SSTR5: variants seen among roughly 807,000 people sequenced by gnomAD.
SSTR5 encodes the protein somatostatin receptor type 5.
In SSTR5, 1 loss-of-function variant was observed where a neutral mutation model predicts 0.3. The ratio of observed to expected loss-of-function variants is 2.98; its 90% CI spans 1.06 to 14.15. The LOEUF (loss-of-function observed/expected upper bound fraction) is 14.15, where lower values mean the gene tolerates loss of function less well. SSTR5 is among the 30% of genes most tolerant of loss of function. The pLI is 0.12. For missense variants in SSTR5, 516 were observed against 543.2 expected (o/e 0.95, Z 0.50); for synonymous variants, 256 against 263.1 (o/e 0.97, Z 0.26).
rs1222308985 is a variant in SSTR5 at position 1,080,981 on chromosome 16, G to T, written c.*1018G>T. 2.2e-6 allele frequency: 1 copy of T among 459,564 alleles called. No homozygotes were observed. Among genetic ancestry groups the T allele is most frequent in the Non-Finnish European group, 4.6e-6 (1 of 219,448 alleles). The allele number at this position is 459,564 out of a possible 1,614,324, so 28.5% of individuals were successfully genotyped here. A position where few individuals can be genotyped will look rare whatever the true frequency, so the allele number is the denominator to read the frequency against. Reference sequence around the variant, plus strand: ...GACGGTCATCCAGGCGCAGCGGGGAGCTGCTCCCCAGGCCACAGCAGACAG... The same window carrying T: ...GACGGTCATCCAGGCGCAGCGGGGATCTGCTCCCCAGGCCACAGCAGACAG... On this transcript the variant is annotated 3_prime_UTR_variant, in exon 2 of 2. Transcript: ENST00000689027.
chr16:1,072,778 G>A lies in SSTR5; in HGVS notation c.-72G>A, dbSNP rs921865889. Among the ~76,000 whole-genome samples the A allele has an allele frequency of 7.3e-6, 1 of 137,174 alleles. No individual in the cohort carries two copies. Among genetic ancestry groups the A allele is most frequent in the African/African-American group, 2.7e-5 (1 of 36,820 alleles). 90.0% of individuals were successfully genotyped at this position (137,174 alleles called of 152,430 possible). On this transcript the variant is annotated 5_prime_UTR_variant, in exon 1 of 2. Transcript: ENST00000689027. Reference sequence around the variant, plus strand: ...CGCCCGGGAGCCCGGAGCCAGTGCCGCGCGGACATCGGGGCTCCCCCGTTC... The same window carrying A: ...CGCCCGGGAGCCCGGAGCCAGTGCCACGCGGACATCGGGGCTCCCCCGTTC...
intron 1 of SSTR5, among the ~76,000 whole-genome samples, chr16:1,076,724 G>GT (rs34644302): frequency 0.58 from 87,575 of 151,784 alleles, 25,938 homozygotes; most frequent in Non-Finnish European, 0.61. Context: ...CTTTTGTAGT[G>GT]TTTTTTTCCA....
At chr16:1,073,379 G>C (rs189053173) in intron 1 of SSTR5, among the ~76,000 whole-genome samples, 1 of 152,216 alleles carries the variant, frequency 6.6e-6, no homozygotes, top group Admixed American at 6.5e-5. Flanking sequence ...TGCCGGGGGA[G>C]GCAACTGGTG....
chr16:1,078,629 C>T (rs1481765082), intron 1 of SSTR5: 29 of 595,472 alleles, frequency 4.9e-5, no homozygotes, highest in East Asian at 1.1e-4. Flanking sequence ...TCTGGGCTCC[C>T]GGGGCCACCT....
intron 1 of SSTR5, among the ~76,000 whole-genome samples, chr16:1,076,338 C>T: frequency 4.1e-4 from 1 of 2,454 alleles, no homozygotes; most frequent in South Asian, 0.033. Flanking sequence ...TCCCCACCTC[C>T]CCTCTTCTCC....
At position 1,078,826 on chromosome 16, in the gene SSTR5, CCTT is replaced by C. The variant is rs758337569; in HGVS notation, c.-27-10_-27-8del. On this transcript the variant is annotated splice_polypyrimidine_tract_variant and intron_variant, in intron 1 of 1. Transcript: ENST00000689027. ...AGGGACTCACCACCCTGGCGTCCTCCCTTCTTCTCTTGCAGAGCCTGACGCACC... is the reference window on the plus strand; with the variant it reads ...AGGGACTCACCACCCTGGCGTCCTCCCTTCTCTTGCAGAGCCTGACGCACC... 11 of 1,597,108 alleles carry C rather than the reference CCTT, an allele frequency of 6.9e-6. No homozygotes were observed. Among genetic ancestry groups the C allele is most frequent in the Middle Eastern group, 1.8e-4 (1 of 5,618 alleles).
chr16:1,076,491 T>G (rs1960215425), intron 1 of SSTR5, among the ~76,000 whole-genome samples: 1 of 150,732 alleles, frequency 6.6e-6, no homozygotes, highest in East Asian at 2.0e-4. Context: ...CGCAGCTTGA[T>G]GGGGATGCTC....
chr16:1,079,219 G>A lies in SSTR5; in HGVS notation c.351G>A (p.Thr117=), dbSNP rs761720839. 16 of 1,612,376 alleles carry A rather than the reference G, an allele frequency of 9.9e-6. No individual in the cohort carries two copies. Among genetic ancestry groups the A allele is most frequent in the South Asian group, 3.3e-5 (3 of 91,078 alleles). The change falls in exon 2 of 2, where the codon ACG becomes ACA. Residue 117 remains threonine, a synonymous_variant. Transcript: ENST00000689027. ...CCGTCCTGTGCCGCCTGGTCATGAC[G>A]CTGGACGGCGTCAACCAGTTCACCA... The part of the protein sequence containing the change: ...FGPVLCRLVM[T]LDGVNQFTSV...
rs1454757996 is a variant in SSTR5, at chr16:1,080,996, A to C, written c.*1033A>C. 3 of 467,842 alleles carry C rather than the reference A, an allele frequency of 6.4e-6. No individual in the cohort carries two copies. Among genetic ancestry groups the C allele is most frequent in the African/African-American group, 6.0e-5 (3 of 49,976 alleles). 29.0% of individuals were successfully genotyped at this position (467,842 alleles called of 1,614,324 possible). A position where few individuals can be genotyped will look rare whatever the true frequency, so the allele number is the denominator to read the frequency against. ...GCAGCGGGGAGCTGCTCCCCAGGCCACAGCAGACAGCACTGCTGAGAGGCA... is the reference window on the plus strand; with the variant it reads ...GCAGCGGGGAGCTGCTCCCCAGGCCCCAGCAGACAGCACTGCTGAGAGGCA... On this transcript the variant is annotated 3_prime_UTR_variant, in exon 2 of 2. Transcript: ENST00000689027.
rs1429096623 is a variant in SSTR5 at position 1,080,443 on chromosome 16, G to A, written c.*480G>A. ...AAGACACCCGAAAGCGCTTGACTCA[G>A]GTCCCCGGAGTCCCTGGCCAGGGCC... On this transcript the variant is annotated 3_prime_UTR_variant, in exon 2 of 2. Transcript: ENST00000689027. Among the ~76,000 whole-genome samples, 1 of 152,232 alleles carries A rather than the reference G, an allele frequency of 6.6e-6. No homozygotes were observed. Among genetic ancestry groups the A allele is most frequent in the African/African-American group, 2.4e-5 (1 of 41,452 alleles).
At position 1,072,952 on chromosome 16, in the gene SSTR5, G is replaced by A. The variant is rs1027017402; in HGVS notation, c.-28+130G>A. On this transcript the variant is annotated intron_variant, in intron 1 of 1. Coordinates refer to ENST00000689027, the MANE Select transcript of SSTR5 (RefSeq NM_001172560.3). ...TCCCGCCGTGCGCCCCCAGCCCGCT[G>A]CACGCACTGTCCCCCACGCGCCCTC... 2.0e-4 allele frequency: 30 copies of A among 152,362 alleles called. 1 individual carries two copies. The highest frequency in any genetic ancestry group is 6.8e-4 in the African/African-American group (28 of 41,460). The allele number at this position is 152,362 out of a possible 1,614,324, so 9.4% of individuals were successfully genotyped here. A position where few individuals can be genotyped will look rare whatever the true frequency, so the allele number is the denominator to read the frequency against.
chr16:1,077,136 C>T (rs1333744287), intron 1 of SSTR5, among the ~76,000 whole-genome samples: 1 of 152,212 alleles, frequency 6.6e-6, no homozygotes, highest in African/African-American at 2.4e-5. Context: ...CCCACAGCCC[C>T]CAGCCAGGAC....
chr16:1,078,814 C>G (rs36054469), intron 1 of SSTR5, 28 bp from the exon 2 acceptor site: 1 of 1,586,650 alleles, frequency 6.3e-7, no homozygotes, highest in Non-Finnish European at 8.5e-7. Context: ...GACTCACCAC[C>G]CTGGCGTCCT....
rs956024421 is a variant in SSTR5 at position 1,080,579 on chromosome 16, C to T, written c.*616C>T. Among the ~76,000 whole-genome samples the T allele has an allele frequency of 1.3e-5, 2 of 152,218 alleles. No homozygotes were observed. Among genetic ancestry groups the T allele is most frequent in the African/African-American group, 4.8e-5 (2 of 41,460 alleles). ...GGTCACGCCTGTCCTGGGGGCCCCA[C>T]CCTGCTGCCCGACACCCCCCATGGG... On this transcript the variant is annotated 3_prime_UTR_variant, in exon 2 of 2. Transcript: ENST00000689027.
At chr16:1,078,606 C>T (rs1057434449) in intron 1 of SSTR5, 20 of 564,790 alleles carry the variant, frequency 3.5e-5, no homozygotes, top group Non-Finnish European at 6.4e-5. Flanking sequence ...GCCATATCGA[C>T]AGCAGCCGTC....
At position 1,079,244 on chromosome 16, in the gene SSTR5, A is replaced by G; in HGVS notation, c.376A>G (p.Ser126Gly). 1 of 1,612,336 alleles carries G rather than the reference A, an allele frequency of 6.2e-7. No homozygotes were observed. Among genetic ancestry groups the G allele is most frequent in the Non-Finnish European group, 8.5e-7 (1 of 1,179,840 alleles). ...MTLDGVNQFT[S>G]VFCLTVMSVD... ...GCTGGACGGCGTCAACCAGTTCACC[A>G]GTGTCTTCTGCCTGACAGTCATGAG... The change falls in exon 2 of 2, where the codon AGT becomes GGT. Residue 126 changes from serine (S) to glycine (G), a missense_variant. Ser to Gly is a moderately conservative substitution (Grantham distance 56). Coordinates refer to ENST00000689027, the MANE Select transcript of SSTR5 (RefSeq NM_001172560.3).
rs780088361 is a variant in SSTR5 at position 1,079,862 on chromosome 16, G to A, written c.994G>A (p.Ala332Thr). The change falls in exon 2 of 2, where the codon GCC becomes ACC. Residue 332 changes from alanine (A) to threonine (T), a missense_variant. Transcript: ENST00000689027. ...RKGSGAKDAD[A>T]TEPRPDRIRQ... is the part of the protein sequence containing the mutation. ...GGGCTCTGGTGCCAAGGACGCTGAC[G>A]CCACGGAGCCGCGTCCAGACAGGAT... The A allele has an allele frequency of 1.4e-5, 22 of 1,611,204 alleles. No individual in the cohort carries two copies. The highest frequency in any genetic ancestry group is 1.1e-4 in the East Asian group (5 of 44,868).
At position 1,076,680 on chromosome 16, in the gene SSTR5, T is replaced by A. The variant is rs375656033; in HGVS notation, c.-27-2162T>A. On this transcript the variant is annotated intron_variant, in intron 1 of 1. Transcript: ENST00000689027. The stretch of plus-strand genomic sequence containing the variant: ...CTCTTCCCATTCACCAATTCTCTCT[T>A]CAGTGCTGTCCACACTGGAGTTGGT... 1.1e-4 allele frequency among the ~76,000 whole-genome samples: 17 copies of A among 152,234 alleles called. No individual in the cohort carries two copies. The South Asian group carries it at 3.1e-3, about 28-fold the overall frequency.
Position 1,079,618 on chromosome 16 carries a change from G to C in SSTR5, c.750G>C (p.Val250=). Residue 250 remains valine, a synonymous_variant, in exon 2 of 2, where the codon GTG becomes GTC. Coordinates refer to ENST00000689027, the MANE Select transcript of SSTR5 (RefSeq NM_001172560.3). ...CGGAGCGGAAGGTGACGCGCATGGT[G>C]TTGGTGGTGGTGCTGGTGTTTGCGG... ...RRSERKVTRM[V]LVVVLVFAGC... 1 of 1,612,254 alleles carries C rather than the reference G, an allele frequency of 6.2e-7. No individual in the cohort carries two copies. Among genetic ancestry groups the C allele is most frequent in the Non-Finnish European group, 8.5e-7 (1 of 1,179,346 alleles).
Sources: gnomAD v4.1 joint callset for allele counts (sites outside exome capture counted in the v4.1 genomes callset) on GRCh38, gnomAD v4.1.1 for gene constraint, MANE v1.5 for transcripts, NCBI Gene and HGNC (gene_info 2026-07-23, HGNC 2026-07-21) for gene names.